The following PKD1L1 variants were observed in gnomAD, a reference collection of about 807,000 sequenced individuals.
PKD1L1 encodes the protein polycystin 1 like 1, transient receptor potential channel interacting, also known as polycystin-1-like protein 1.
PKD1L1 carries 236 observed loss-of-function variants against 323.4 expected under a neutral mutation model. That is an observed-to-expected ratio of 0.73 (90% CI 0.66 to 0.81). The LOEUF (loss-of-function observed/expected upper bound fraction) is 0.81, where lower values mean the gene tolerates loss of function less well. Ranked by LOEUF, PKD1L1 falls within the 40% of genes least tolerant of loss-of-function variation. The probability of loss-of-function intolerance (pLI) is 0.00; values close to 1 mark genes in which losing one functional copy is unlikely to be tolerated. For synonymous variants in PKD1L1, 1,344 were observed against 1,335.0 expected (o/e 1.01, Z -0.15); for missense variants, 3,320 against 3,508.0 (o/e 0.95, Z 1.35).
intron 14 of PKD1L1, 100 bp downstream of exon 14, chr7:47,897,888 A>G: frequency 2.1e-6 from 2 of 948,604 alleles, no homozygotes; most frequent in Non-Finnish European, 1.5e-6. Context: ...CTTTTCCTGG[A>G]TCGAACAGGT....
chr7:47,905,763 T>G, intron 10 of PKD1L1, 80 bp downstream of exon 10: 1 of 1,565,588 alleles, frequency 6.4e-7, no homozygotes, highest in Non-Finnish European at 8.6e-7. Context: ...CAAAACCTGC[T>G]GCTGCCTACG....
chr7:47,913,512 G>A (rs1407519688), intron 8 of PKD1L1, among the ~76,000 whole-genome samples: 1 of 152,112 alleles, frequency 6.6e-6, no homozygotes, highest in East Asian at 1.9e-4. Context: ...GAATGGTTTA[G>A]TGTCACCCCC....
chr7:47,906,897 T>TAA lies in PKD1L1; in HGVS notation c.1403-937_1403-936dup, dbSNP rs58556871. On this transcript the variant is annotated intron_variant, in intron 9 of 56. Transcript: ENST00000289672. ...AGCACAATCTGATAATCAAAAGTGTTAAAAAAAAAAGATATAGTTTACAGA... is the reference window on the plus strand; with the variant it reads ...AGCACAATCTGATAATCAAAAGTGTTAAAAAAAAAAAAGATATAGTTTACAGA... Among the ~76,000 whole-genome samples the TAA allele has an allele frequency of 7.2e-4, 107 of 149,548 alleles. 1 individual carries two copies. Among genetic ancestry groups the TAA allele is most frequent in the African/African-American group, 2.5e-3 (101 of 40,994 alleles).
chr7:47,844,357 T>C (rs747321430), intron 33 of PKD1L1, among the ~76,000 whole-genome samples: 1 of 152,138 alleles, frequency 6.6e-6, no homozygotes, highest in Non-Finnish European at 1.5e-5. Flanking sequence ...AATTTAACAC[T>C]CAACACCCCA....
chr7:47,801,677 G>A (rs1467980417), intron 53 of PKD1L1, among the ~76,000 whole-genome samples: 1 of 152,128 alleles, frequency 6.6e-6, no homozygotes, highest in Non-Finnish European at 1.5e-5. Flanking sequence ...AAATGCACTA[G>A]GACTCGTTTT....
chr7:47,778,692 A>G (rs1786624724), intron 56 of PKD1L1, among the ~76,000 whole-genome samples: 1 of 152,202 alleles, frequency 6.6e-6, no homozygotes, highest in Non-Finnish European at 1.5e-5. Context: ...GAGACTTATG[A>G]TTTTAAAAGT....
intron 14 of PKD1L1, among the ~76,000 whole-genome samples, chr7:47,897,602 C>T (rs1441448516): frequency 3.3e-5 from 5 of 152,212 alleles, no homozygotes; most frequent in Admixed American, 6.5e-5. Context: ...AGGCAGTCAC[C>T]GTGAGTGCCT....
intron 24 of PKD1L1, among the ~76,000 whole-genome samples, chr7:47,871,822 T>C (rs73333609): frequency 0.014 from 2,152 of 152,274 alleles, 62 homozygotes; most frequent in African/African-American, 0.049. Flanking sequence ...AATATTAATA[T>C]GAAGTGGTGA....
intron 18 of PKD1L1, 47 bp downstream of exon 18, chr7:47,885,639 T>A (rs1226149030): frequency 6.4e-7 from 1 of 1,562,242 alleles, no homozygotes; most frequent in African/African-American, 1.4e-5. Flanking sequence ...AAAGGTAACT[T>A]TGGTGCCTAG....
chr7:47,812,584 A>C (rs1358649478), intron 49 of PKD1L1, among the ~76,000 whole-genome samples: 1 of 152,212 alleles, frequency 6.6e-6, no homozygotes. Context: ...CCACTGGGTC[A>C]GCACAGCTCC....
the PKD1L1 span, among the ~76,000 whole-genome samples, chr7:47,960,386 A>AAC: frequency 7.5e-6 from 1 of 133,294 alleles, no homozygotes; most frequent in African/African-American, 2.6e-5. Context: ...TTAAAAAAAA[A>AAC]AAAAAAAACT....
intron 24 of PKD1L1, among the ~76,000 whole-genome samples, chr7:47,868,782 G>A (rs1301535262): frequency 6.6e-6 from 1 of 152,210 alleles, no homozygotes; most frequent in Admixed American, 6.5e-5. Flanking sequence ...GGCTGAGGCA[G>A]TAGAATCGCT....
the PKD1L1 span, among the ~76,000 whole-genome samples, chr7:47,955,232 CAAAT>C: frequency 2.6e-5 from 4 of 152,090 alleles, no homozygotes; most frequent in Admixed American, 2.6e-4. Context: ...ATCAAAATGA[CAAAT>C]AAAAAGTTTA....
upstream of PKD1L1, among the ~76,000 whole-genome samples, chr7:47,951,928 A>C (rs1316716564): frequency 6.6e-6 from 1 of 152,156 alleles, no homozygotes; most frequent in Non-Finnish European, 1.5e-5. Flanking sequence ...CCGGGAAAGC[A>C]CCTGGCCCAC....
chr7:47,854,869 A>C lies in PKD1L1; in HGVS notation c.4859+13T>G, dbSNP rs1177238424. The C allele has an allele frequency of 4.3e-6, 7 of 1,612,802 alleles. No homozygotes were observed. Among genetic ancestry groups the C allele is most frequent in the Non-Finnish European group, 5.9e-6 (7 of 1,179,378 alleles). On this transcript the variant is annotated intron_variant, in intron 30 of 56. Coordinates refer to ENST00000289672, the MANE Select transcript of PKD1L1 (RefSeq NM_138295.5). Reference sequence around the variant, plus strand: ...TTACTCCAATCTCATTGTAGCTGTCACCATCAACACACCTTACTAGCAACA... The same window carrying C: ...TTACTCCAATCTCATTGTAGCTGTCCCCATCAACACACCTTACTAGCAACA...
chr7:47,872,978 C>T (rs1786315271), intron 24 of PKD1L1, among the ~76,000 whole-genome samples: 1 of 152,036 alleles, frequency 6.6e-6, no homozygotes, highest in South Asian at 2.1e-4. Flanking sequence ...TATTATTCAG[C>T]AACAAAAAAG....
intron 5 of PKD1L1, among the ~76,000 whole-genome samples, chr7:47,931,573 G>A (rs1191156164): frequency 1.3e-5 from 2 of 152,220 alleles, no homozygotes; most frequent in Non-Finnish European, 2.9e-5. Flanking sequence ...AGGCATGTTT[G>A]ATCAGGAATT....
chr7:47,840,598 G>T lies in PKD1L1; in HGVS notation c.5446-31C>A. ...AACAAAGAACAGGGGTGGGAACTCAGGCTATTTCACAGCAGACACCATGCA... is the reference window on the plus strand; with the variant it reads ...AACAAAGAACAGGGGTGGGAACTCATGCTATTTCACAGCAGACACCATGCA... On this transcript the variant is annotated intron_variant, in intron 34 of 56. Coordinates refer to ENST00000289672, the MANE Select transcript of PKD1L1 (RefSeq NM_138295.5). This position sits in a 1 kb window ranked among gnomAD's most constrained non-coding sequence, Gnocchi z 4.1. The T allele has an allele frequency of 6.5e-7, 1 of 1,540,764 alleles. No homozygotes were observed.
chr7:47,948,398 T>G lies in PKD1L1; in HGVS notation c.43A>C (p.Arg15=). 6.2e-7 allele frequency: 1 copy of G among 1,614,110 alleles called. No individual in the cohort carries two copies. The highest frequency in any genetic ancestry group is 8.5e-7 in the Non-Finnish European group (1 of 1,180,020). ...AAQNISDDQE[R]CLQAACCLSF... ...CCTCTGAGAACAGTGATAACTCACC[T>G]TTCCTGGTCATCAGAAATGTTCTGG... The change falls in exon 1 of 57, where the codon AGG becomes CGG. Residue 15 remains arginine, a splice_region_variant and synonymous_variant. Coordinates refer to ENST00000289672, the MANE Select transcript of PKD1L1 (RefSeq NM_138295.5).
Sources: allele counts gnomAD v4.1 joint callset (sites outside exome capture counted in the v4.1 genomes callset), GRCh38; gene constraint gnomAD v4.1.1; non-coding constraint Gnocchi (gnomAD v3.1); transcripts MANE v1.5; gene names NCBI Gene and HGNC (gene_info 2026-07-23, HGNC 2026-07-21).